Variants in RBFOX1 observed in about 807,000 individuals in gnomAD.
RBFOX1 encodes the protein RNA binding protein fox-1 homolog 1.
Under a neutral mutation model 57.7 loss-of-function variants are expected in RBFOX1, and 8 were observed. The ratio of observed to expected loss-of-function variants is 0.14; its 90% CI spans 0.08 to 0.25. The LOEUF is 0.25. Ranked by LOEUF, RBFOX1 falls within the 10% of genes least tolerant of loss-of-function variation. The pLI is 1.00. For missense variants in RBFOX1, 611 were observed against 548.5 expected, an observed-to-expected ratio of 1.11 and a Z score of -1.14; for synonymous variants, 326 against 222.4, an observed-to-expected ratio of 1.47 and a Z score of -4.15.
At chr16:7,534,861 TGG>T (rs1458054139) in intron 5 of RBFOX1, among the ~76,000 whole-genome samples, 4 of 152,134 alleles carry the variant, frequency 2.6e-5, no homozygotes, top group Non-Finnish European at 4.4e-5. Context: ...TGTGTGTGTG[TGG>T]CTTTAGGAAG....
At chr16:6,660,296 T>C (rs1342315436) in intron 3 of RBFOX1, among the ~76,000 whole-genome samples, 9 of 152,146 alleles carry the variant, frequency 5.9e-5, no homozygotes, top group African/African-American at 1.9e-4. Flanking sequence ...CATGCTGGGC[T>C]TAATACCTTG....
At chr16:6,904,583 AGAGT>A (rs2153418448) in intron 3 of RBFOX1, among the ~76,000 whole-genome samples, 1 of 135,398 alleles carries the variant, frequency 7.4e-6, no homozygotes, top group Non-Finnish European at 1.5e-5. Flanking sequence ...CCTGGGTGAC[AGAGT>A]GAGACTCTCT....
At position 6,067,234 on chromosome 16, in the gene RBFOX1, C is replaced by G. The variant is rs890044552; in HGVS notation, c.-127+47242C>G. 9.2e-5 allele frequency among the ~76,000 whole-genome samples: 14 copies of G among 152,290 alleles called. 1 individual carries two copies. Among genetic ancestry groups the G allele is most frequent in the African/African-American group, 3.4e-4 (14 of 41,562 alleles). On this transcript the variant is annotated intron_variant, in intron 1 of 15. Coordinates refer to ENST00000550418, the MANE Select transcript of RBFOX1 (RefSeq NM_018723.4). ...CCTACAGGGCATGCAGGCCAAAAGT[C>G]TACACACAGAAGTTAAGCTGGTTTT...
intron 3 of RBFOX1, among the ~76,000 whole-genome samples, chr16:6,702,186 T>C (rs969566221): frequency 3.0e-4 from 45 of 152,266 alleles, no homozygotes; most frequent in Non-Finnish European, 3.5e-4. Context: ...TCTACCATGA[T>C]CCAGACACCT....
chr16:7,309,335 A>C (rs1568142107), intron 4 of RBFOX1, among the ~76,000 whole-genome samples: 1 of 152,182 alleles, frequency 6.6e-6, no homozygotes, highest in Non-Finnish European at 1.5e-5. Flanking sequence ...CGTGTTGTGG[A>C]CATGGACTGC....
chr16:7,021,908 CTTTCTTTTCTTTCTTTCTTTAT>C (rs1413636789), intron 3 of RBFOX1, among the ~76,000 whole-genome samples: 1 of 149,286 alleles, frequency 6.7e-6, no homozygotes, highest in Non-Finnish European at 1.5e-5. Context: ...TTCTTTCTTT[CTTTCTTTTCTTTCTTTCTTTAT>C]TTTCTTTTCT....
intron 2 of RBFOX1, among the ~76,000 whole-genome samples, chr16:5,590,021 T>G (rs1400627036): frequency 6.7e-6 from 1 of 149,950 alleles, no homozygotes; most frequent in Non-Finnish European, 1.5e-5. Flanking sequence ...GACAACAGCC[T>G]AGCGTTTCAG....
At chr16:6,936,829 C>T (rs778140563) in intron 3 of RBFOX1, among the ~76,000 whole-genome samples, 6 of 151,326 alleles carry the variant, frequency 4.0e-5, no homozygotes, top group Admixed American at 2.0e-4. Context: ...AGGTTCTTTC[C>T]GAATGCTCAA....
chr16:6,539,222 G>T (rs1465253611), intron 2 of RBFOX1, among the ~76,000 whole-genome samples: 1 of 152,128 alleles, frequency 6.6e-6, no homozygotes, highest in African/African-American at 2.4e-5. Context: ...GGCACTTATA[G>T]GTTTAAACCC....
At chr16:6,778,467 T>C (rs1362614804) in intron 3 of RBFOX1, among the ~76,000 whole-genome samples, 2 of 152,108 alleles carry the variant, frequency 1.3e-5, no homozygotes. Flanking sequence ...TCAGTATGTA[T>C]CTCTAAATAT....
intron 2 of RBFOX1, among the ~76,000 whole-genome samples, chr16:6,583,079 A>G (rs8044704): frequency 0.35 from 53,282 of 151,592 alleles, 11,022 homozygotes; most frequent in Middle Eastern, 0.5. Flanking sequence ...ATTCTCAGGT[A>G]AATTCTCCCC....
intron 4 of RBFOX1, among the ~76,000 whole-genome samples, chr16:5,931,097 G>T (rs756440375): frequency 2.6e-5 from 4 of 152,132 alleles, no homozygotes; most frequent in Admixed American, 2.0e-4. Flanking sequence ...CTTAGATGTT[G>T]TCATTAGTAC....
intron 2 of RBFOX1, among the ~76,000 whole-genome samples, chr16:5,596,668 C>G (rs978109503): frequency 6.6e-6 from 1 of 152,166 alleles, no homozygotes; most frequent in Non-Finnish European, 1.5e-5. Context: ...GCGCTTAACT[C>G]GTTGATCAAG....
intron 4 of RBFOX1, among the ~76,000 whole-genome samples, chr16:6,000,901 G>T (rs2060587863): frequency 7.0e-6 from 1 of 142,504 alleles, no homozygotes; most frequent in African/African-American, 2.6e-5. Flanking sequence ...AGGTAGGTGG[G>T]TGGGTGGGCG....
At chr16:7,185,178 T>C (rs1279097888) in intron 4 of RBFOX1, among the ~76,000 whole-genome samples, 1 of 148,868 alleles carries the variant, frequency 6.7e-6, no homozygotes, top group Non-Finnish European at 1.5e-5. Flanking sequence ...AAGTGCTTGA[T>C]AAATTTCACA....
chr16:6,888,804 A>G (rs1371298341), intron 3 of RBFOX1, among the ~76,000 whole-genome samples: 1 of 152,156 alleles, frequency 6.6e-6, no homozygotes, highest in Non-Finnish European at 1.5e-5. Context: ...CTATTGTGTT[A>G]CCAAACATTA....
At chr16:5,897,067 C>T (rs1262908113) in intron 4 of RBFOX1, among the ~76,000 whole-genome samples, 2 of 119,510 alleles carry the variant, frequency 1.7e-5, no homozygotes, top group East Asian at 2.6e-4. Flanking sequence ...CTCGCTCTGT[C>T]GCCCAGGCCG....
chr16:7,596,901 T>G (rs1300818893), intron 8 of RBFOX1, among the ~76,000 whole-genome samples: 1 of 152,198 alleles, frequency 6.6e-6, no homozygotes, highest in Non-Finnish European at 1.5e-5. Context: ...TGATGGTTCT[T>G]TCCTCCTAAA....
At chr16:6,216,292 A>G (rs1481196734) in intron 1 of RBFOX1, among the ~76,000 whole-genome samples, 2 of 152,122 alleles carry the variant, frequency 1.3e-5, no homozygotes, top group South Asian at 2.1e-4. Flanking sequence ...TAAAAGTATA[A>G]AAACCCCATA....
Sources: allele counts gnomAD v4.1 joint callset (sites outside exome capture counted in the v4.1 genomes callset), GRCh38; gene constraint gnomAD v4.1.1; transcripts MANE v1.5; gene names NCBI Gene and HGNC (gene_info 2026-07-23, HGNC 2026-07-21).